The following HSD17B12 variants were observed in gnomAD, a reference collection of about 807,000 sequenced individuals.
HSD17B12 encodes the protein hydroxysteroid 17-beta dehydrogenase 12.
In HSD17B12, 32 loss-of-function variants were observed where a neutral mutation model predicts 39.3. That is an observed-to-expected ratio of 0.81 (90% CI 0.61 to 1.09). The LOEUF is 1.09. Among genes scored for constraint, HSD17B12 ranks in the 50% least tolerant of loss-of-function variants. The pLI is 0.00. For synonymous variants in HSD17B12, 150 were observed against 146.7 expected (o/e 1.02, Z -0.16); for missense variants, 342 against 382.9 (o/e 0.89, Z 0.89).
chr11:43,576,448 C>G, the HSD17B12 span: 1 of 152,084 alleles, frequency 6.6e-6, no homozygotes, highest in East Asian at 1.9e-4. Flanking sequence ...GGATAAAAAG[C>G]CAGCGCGGGT....
chr11:43,650,904 A>C, the HSD17B12 span, among the ~76,000 whole-genome samples: 1 of 152,218 alleles, frequency 6.6e-6, no homozygotes, highest in African/African-American at 2.4e-5. Context: ...GAAATCTTAC[A>C]CTTGTCCATT....
intron 1 of HSD17B12, among the ~76,000 whole-genome samples, chr11:43,710,392 A>G (rs1421432991): frequency 2.0e-5 from 3 of 152,332 alleles, no homozygotes; most frequent in Admixed American, 1.3e-4. Context: ...TTTCAAAATG[A>G]TAGTATCTTT....
chr11:43,801,207 T>C (rs10838174), intron 4 of HSD17B12, among the ~76,000 whole-genome samples: 99,429 of 151,758 alleles, frequency 0.66, 32,885 homozygotes, highest in East Asian at 0.75. Context: ...AAATATAACA[T>C]GAAACAAAAT....
chr11:43,672,040 CTTATTTT>C, the HSD17B12 span, among the ~76,000 whole-genome samples: 1 of 151,988 alleles, frequency 6.6e-6, no homozygotes, highest in Admixed American at 6.6e-5. Context: ...AAGAGCCCTT[CTTATTTT>C]TTATTTTTTA....
chr11:43,724,736 C>T (rs1950206024), intron 1 of HSD17B12, among the ~76,000 whole-genome samples: 1 of 152,106 alleles, frequency 6.6e-6, no homozygotes, highest in Non-Finnish European at 1.5e-5. Flanking sequence ...AGTACCATCA[C>T]CTTGTGGGTT....
the HSD17B12 span, among the ~76,000 whole-genome samples, chr11:43,611,039 G>A: frequency 4.6e-5 from 7 of 152,158 alleles, no homozygotes; most frequent in East Asian, 1.9e-4. Context: ...TCTAAAATCC[G>A]GTGCATTTAA....
the HSD17B12 span, chr11:43,584,552 C>G: frequency 6.6e-6 from 1 of 152,226 alleles, no homozygotes; most frequent in African/African-American, 2.4e-5. Context: ...ATCTTTTGGC[C>G]TTTTCAGGTG....
chr11:43,568,778 C>G, the HSD17B12 span, among the ~76,000 whole-genome samples: 7 of 152,186 alleles, frequency 4.6e-5, no homozygotes, highest in Non-Finnish European at 1.0e-4. Flanking sequence ...AACTCAGAGT[C>G]TAGCATGGGT....
At chr11:43,690,404 A>ATTTTTTTTTTTTTTTTTT (rs1206545700) in intron 1 of HSD17B12, among the ~76,000 whole-genome samples, 6 of 24,950 alleles carry the variant, frequency 2.4e-4, no homozygotes, top group African/African-American at 5.7e-4. Flanking sequence ...ATATATATAT[A>ATTTTTTTTTTTTTTTTTT]TTTTTTTTTT....
chr11:43,786,427 C>T (rs1437180834), intron 3 of HSD17B12, among the ~76,000 whole-genome samples: 1 of 152,190 alleles, frequency 6.6e-6, no homozygotes, highest in East Asian at 1.9e-4. Context: ...ACTTCCAATA[C>T]AGCCGGGTGC....
intron 1 of HSD17B12, chr11:43,718,830 C>A (rs1950150204): frequency 2.3e-6 from 2 of 878,128 alleles, no homozygotes; most frequent in African/African-American, 3.3e-5. Flanking sequence ...CCCAAGACAC[C>A]ACGACTCCGG....
At chr11:43,583,107 A>G in the HSD17B12 span, among the ~76,000 whole-genome samples, 6 of 152,326 alleles carry the variant, frequency 3.9e-5, no homozygotes, top group South Asian at 4.1e-4. Flanking sequence ...CTTCCCAGCC[A>G]GAAAGCCCTC....
At chr11:43,621,920 T>C in the HSD17B12 span, among the ~76,000 whole-genome samples, 2 of 152,182 alleles carry the variant, frequency 1.3e-5, no homozygotes, top group Non-Finnish European at 2.9e-5. Context: ...AATGACATTT[T>C]CTGAAATTGA....
chr11:43,852,498 C>T (rs1017265552), intron 9 of HSD17B12: 4 of 151,424 alleles, frequency 2.6e-5, no homozygotes, highest in African/African-American at 9.7e-5. Context: ...GACCTTTAAA[C>T]CTAATGCATA....
chr11:43,602,719 A>G, the HSD17B12 span, among the ~76,000 whole-genome samples: 3 of 152,082 alleles, frequency 2.0e-5, no homozygotes, highest in African/African-American at 4.8e-5. Flanking sequence ...GCTCTAGGCT[A>G]TTTGAATTAA....
At chr11:43,809,606 G>A (rs978732243) in intron 4 of HSD17B12, among the ~76,000 whole-genome samples, 2 of 152,136 alleles carry the variant, frequency 1.3e-5, no homozygotes, top group African/African-American at 2.4e-5. Context: ...ATCACCTGAG[G>A]TCAGGAGTTC....
At chr11:43,650,345 A>G in the HSD17B12 span, among the ~76,000 whole-genome samples, 3 of 152,368 alleles carry the variant, frequency 2.0e-5, no homozygotes, top group Non-Finnish European at 2.9e-5. Flanking sequence ...AGGAAATACA[A>G]TAGGCTAACA....
At chr11:43,665,400 G>A in the HSD17B12 span, among the ~76,000 whole-genome samples, 1 of 152,012 alleles carries the variant, frequency 6.6e-6, no homozygotes, top group Non-Finnish European at 1.5e-5. Context: ...TAAATTTTTT[G>A]TAGAGACAGG....
At chr11:43,593,434 G>C in the HSD17B12 span, among the ~76,000 whole-genome samples, 1 of 152,136 alleles carries the variant, frequency 6.6e-6, no homozygotes, top group Non-Finnish European at 1.5e-5. Flanking sequence ...TAAAAAGATT[G>C]ATTATGGAAC....
Sources: allele counts gnomAD v4.1 joint callset (sites outside exome capture counted in the v4.1 genomes callset), GRCh38; gene constraint gnomAD v4.1.1; transcripts MANE v1.5; gene names NCBI Gene and HGNC (gene_info 2026-07-23, HGNC 2026-07-21).